The following ATP6AP2 variants were observed in gnomAD, a reference collection of about 807,000 sequenced individuals.
ATP6AP2 encodes the protein ATPase H+ transporting accessory protein 2, also known as renin receptor.
In ATP6AP2, 1 loss-of-function variant was observed where a neutral mutation model predicts 23.4. The ratio of observed to expected loss-of-function variants is 0.04; its 90% CI spans 0.02 to 0.20. The LOEUF (loss-of-function observed/expected upper bound fraction) is 0.20. ATP6AP2 is among the 10% of genes least tolerant of loss of function. The probability of loss-of-function intolerance (pLI) is 1.00; values close to 1 mark genes in which losing one functional copy is unlikely to be tolerated. For missense variants in ATP6AP2, 174 were observed against 271.3 expected, an observed-to-expected ratio of 0.64 and a Z score of 2.52; for synonymous variants, 90 against 97.1, an observed-to-expected ratio of 0.93 and a Z score of 0.43.
rs184136208 is a variant in ATP6AP2, at chrX:40,586,206, C to T, written c.38-2780C>T. On this transcript the variant is annotated intron_variant, in intron 1 of 8. Transcript: ENST00000636580. Reference sequence around the variant, plus strand: ...CCCTGGGGATAGTGTGTGAACAAGACGCACTGAAATCCCCGCCTTCATGGA... The same window carrying T: ...CCCTGGGGATAGTGTGTGAACAAGATGCACTGAAATCCCCGCCTTCATGGA... 2.1e-4 allele frequency among the ~76,000 whole-genome samples: 24 copies of T among 111,807 alleles called. No homozygotes were observed. The South Asian group carries it at 3.4e-3, about 16-fold the overall frequency.
intron 2 of ATP6AP2, chrX:40,589,719 A>G (rs1569259228): frequency 8.9e-6 from 1 of 112,872 alleles, no homozygotes; most frequent in Non-Finnish European, 1.8e-5. Flanking sequence ...TTGGCTGCTT[A>G]TGTGATTGTA....
chrX:40,597,432 A>G, intron 4 of ATP6AP2, 88 bp downstream of exon 4: 1 of 1,072,021 alleles, frequency 9.3e-7, no homozygotes, highest in Non-Finnish European at 1.3e-6. Flanking sequence ...TTATGAAAAT[A>G]TAAAACTAAT....
intron 1 of ATP6AP2, among the ~76,000 whole-genome samples, chrX:40,585,683 G>A (rs192171200): frequency 2.0e-3 from 219 of 109,597 alleles, no homozygotes; most frequent in South Asian, 0.018. Context: ...GTGAAACCCT[G>A]TCTCTACCAA....
intron 8 of ATP6AP2, among the ~76,000 whole-genome samples, chrX:40,604,258 G>A (rs753015212): frequency 4.5e-5 from 5 of 111,515 alleles, no homozygotes; most frequent in South Asian, 7.5e-4. Context: ...GTATAGCTCC[G>A]TTTTCATATG....
At position 40,580,985 on chromosome X, in the gene ATP6AP2, A is replaced by C; in HGVS notation, c.-81A>C. On this transcript the variant is annotated 5_prime_UTR_variant, in exon 1 of 9. Coordinates refer to ENST00000636580, the MANE Select transcript of ATP6AP2 (RefSeq NM_005765.3). ...GAGCCTGGACGAGTCCGAGCGCGTC[A>C]CCTCCTCACGCTGCGGCTGTCGCCC... 9.0e-7 allele frequency: 1 copy of C among 1,117,007 alleles called. No individual in the cohort carries two copies. The highest frequency in any genetic ancestry group is 1.2e-6 in the Non-Finnish European group (1 of 831,239). 92.1% of individuals were successfully genotyped at this position (1,117,007 alleles called of 1,213,427 possible).
intron 1 of ATP6AP2, among the ~76,000 whole-genome samples, chrX:40,584,358 CTCTA>C (rs1926406166): frequency 1.1e-5 from 1 of 89,290 alleles, no homozygotes; most frequent in Non-Finnish European, 2.2e-5. Context: ...CGCACCCAGC[CTCTA>C]TCTTTTTTTT....
At position 40,598,752 on chromosome X, in the gene ATP6AP2, A is replaced by G; in HGVS notation, c.588+18A>G. 8.4e-7 allele frequency: 1 copy of G among 1,195,459 alleles called. No individual in the cohort carries two copies. Among genetic ancestry groups the G allele is most frequent in the East Asian group, 3.0e-5 (1 of 33,775 alleles). On this transcript the variant is annotated intron_variant, in intron 6 of 8. Transcript: ENST00000636580. ...CAAGCTTGGTAAGTAGGCTGCTCTAATTTTTTAATTCCATTTATTTTGGTT... is the reference window on the plus strand; with the variant it reads ...CAAGCTTGGTAAGTAGGCTGCTCTAGTTTTTTAATTCCATTTATTTTGGTT...
intron 3 of ATP6AP2, chrX:40,591,736 G>A: frequency 4.5e-6 from 1 of 222,069 alleles, no homozygotes. Flanking sequence ...CTTTTCGTGT[G>A]TAAGGACACT....
intron 7 of ATP6AP2, chrX:40,600,049 TA>T: frequency 3.7e-6 from 1 of 268,879 alleles, no homozygotes; most frequent in Middle Eastern, 1.3e-3. Flanking sequence ...TCAGTGGTAT[TA>T]AGTGCAAGTA....
intron 1 of ATP6AP2, 116 bp downstream of exon 1, chrX:40,581,218 C>CA: frequency 1.2e-6 from 1 of 803,784 alleles, no homozygotes; most frequent in African/African-American, 2.2e-5. Context: ...TGCGGTCCGT[C>CA]AGCGGCGGCC....
intron 8 of ATP6AP2, chrX:40,603,446 A>G (rs1254078050): frequency 9.0e-6 from 1 of 110,625 alleles, no homozygotes; most frequent in Non-Finnish European, 1.9e-5. Context: ...GCAGGTAAAT[A>G]TGCATGCCTG....
chrX:40,597,750 A>G (rs1409155436), intron 5 of ATP6AP2, 86 bp downstream of exon 5: 4 of 1,035,316 alleles, frequency 3.9e-6, no homozygotes, highest in Admixed American at 2.3e-5. Flanking sequence ...TCTGTTGTCC[A>G]GGCTGGTCTT....
At chrX:40,582,806 G>T (rs1926364100) in intron 1 of ATP6AP2, among the ~76,000 whole-genome samples, 1 of 111,989 alleles carries the variant, frequency 8.9e-6, no homozygotes, top group Non-Finnish European at 1.9e-5. Context: ...ATTCAGTGAG[G>T]TATAGGCTTT....
chrX:40,605,727 T>A lies in ATP6AP2; in HGVS notation c.1025T>A (p.Met342Lys), dbSNP rs1245093914. The change falls in exon 9 of 9, where the codon ATG becomes AAG. Residue 342 changes from methionine to lysine, a missense_variant. Coordinates refer to ENST00000636580, the MANE Select transcript of ATP6AP2 (RefSeq NM_005765.3). ...DPGYDSIIYR[M>K]TNQKIRMD Reference sequence around the variant, plus strand: ...GGATATGATAGCATCATTTATAGGATGACAAACCAGAAGATTCGAATGGAT... The same window carrying A: ...GGATATGATAGCATCATTTATAGGAAGACAAACCAGAAGATTCGAATGGAT... 8.3e-7 allele frequency: 1 copy of A among 1,209,136 alleles called. No homozygotes were observed.
Position 40,584,809 on chromosome X carries a change from A to G in ATP6AP2, c.37+3707A>G, listed in dbSNP as rs189749036. ...TTTTTGGTAGAGACGGGGTTTCACT[A>G]TGTTCACCAGACTGGTCTCAAACTC... On this transcript the variant is annotated intron_variant, in intron 1 of 8. Coordinates refer to ENST00000636580, the MANE Select transcript of ATP6AP2 (RefSeq NM_005765.3). Among the ~76,000 whole-genome samples the G allele has an allele frequency of 6.8e-3, 762 of 111,284 alleles. 6 individuals carry two copies. The highest frequency in any genetic ancestry group is 0.023 in the African/African-American group (703 of 30,607).
intron 8 of ATP6AP2, among the ~76,000 whole-genome samples, chrX:40,602,056 C>CT (rs1926922763): frequency 2.8e-4 from 28 of 98,812 alleles, no homozygotes; most frequent in African/African-American, 1.1e-3. Flanking sequence ...TTGAGGCGGG[C>CT]GGAACACCTG....
intron 2 of ATP6AP2, 32 bp from the exon 3 acceptor site, chrX:40,591,198 ATAAT>A (rs765803837): frequency 3.3e-6 from 4 of 1,207,158 alleles, no homozygotes; most frequent in Non-Finnish European, 4.5e-6. Context: ...TCCTGAGTTG[ATAAT>A]TAAGCACCGC....
intron 1 of ATP6AP2, among the ~76,000 whole-genome samples, chrX:40,582,563 G>T (rs1373645555): frequency 3.6e-5 from 4 of 111,908 alleles, no homozygotes; most frequent in Non-Finnish European, 7.5e-5. Flanking sequence ...AGGTGCGGGG[G>T]TTTTGTGTGT....
rs749825521 is a variant in ATP6AP2, at chrX:40,605,762, C to A, written c.*7C>A. 8.4e-7 allele frequency: 1 copy of A among 1,196,984 alleles called. No individual in the cohort carries two copies. Among genetic ancestry groups the A allele is most frequent in the Non-Finnish European group, 1.1e-6 (1 of 883,176 alleles). On this transcript the variant is annotated 3_prime_UTR_variant, in exon 9 of 9. Coordinates refer to ENST00000636580, the MANE Select transcript of ATP6AP2 (RefSeq NM_005765.3). ...GAAGATTCGAATGGATTGAATGTTA[C>A]CTGTGCCAGAATTAGAAAAGGGGGT...
Sources: allele counts gnomAD v4.1 joint callset (sites outside exome capture counted in the v4.1 genomes callset), GRCh38; gene constraint gnomAD v4.1.1; transcripts MANE v1.5; gene names NCBI Gene and HGNC (gene_info 2026-07-23, HGNC 2026-07-21).